SORCS1: variants seen among roughly 807,000 people sequenced by gnomAD.
SORCS1 encodes VPS10 domain-containing receptor SorCS1.
SORCS1 carries 60 observed loss-of-function variants against 146.1 expected under a neutral mutation model. The observed-to-expected ratio is 0.41, with a 90% CI of 0.33 to 0.51. The LOEUF (loss-of-function observed/expected upper bound fraction) is 0.51, where lower values mean the gene tolerates loss of function less well. Among genes scored for constraint, SORCS1 ranks in the 20% least tolerant of loss-of-function variants. The pLI is 0.21. For missense variants in SORCS1, 1,352 were observed against 1,487.6 expected (o/e 0.91, Z 1.50); for synonymous variants, 637 against 584.0 (o/e 1.09, Z -1.31).
At chr10:106,670,554 C>T (rs928926336) in intron 16 of SORCS1, among the ~76,000 whole-genome samples, 8 of 152,104 alleles carry the variant, frequency 5.3e-5, no homozygotes, top group African/African-American at 1.9e-4. Flanking sequence ...AATTTTCTGC[C>T]TTAAAAGGCT....
At chr10:106,944,309 T>A (rs1276862843) in intron 2 of SORCS1, among the ~76,000 whole-genome samples, 1 of 152,334 alleles carries the variant, frequency 6.6e-6, no homozygotes, top group East Asian at 1.9e-4. Context: ...ACACACAGAC[T>A]GTATTGTGAT....
chr10:107,096,753 C>T (rs915875758), intron 1 of SORCS1, among the ~76,000 whole-genome samples: 20 of 152,244 alleles, frequency 1.3e-4, no homozygotes, highest in African/African-American at 4.3e-4. Flanking sequence ...CTCAGGTGAT[C>T]GGCCCACCTC....
intron 9 of SORCS1, among the ~76,000 whole-genome samples, chr10:106,689,981 A>G (rs111908575): frequency 2.0e-5 from 3 of 152,356 alleles, no homozygotes; most frequent in African/African-American, 7.2e-5. Context: ...TGAGCTGCAG[A>G]GAGGAATACT....
intron 2 of SORCS1, among the ~76,000 whole-genome samples, chr10:106,890,614 G>A (rs2137878303): frequency 6.6e-6 from 1 of 152,148 alleles, no homozygotes; most frequent in East Asian, 1.9e-4. Flanking sequence ...TAAATCAGTG[G>A]GCTACTAGGG....
intron 4 of SORCS1, among the ~76,000 whole-genome samples, chr10:106,772,736 T>C (rs1462972627): frequency 1.3e-5 from 2 of 152,164 alleles, no homozygotes; most frequent in Non-Finnish European, 2.9e-5. Context: ...AATTCTATCT[T>C]GGACCAGAAA....
chr10:106,987,570 G>T (rs74717762), intron 1 of SORCS1, among the ~76,000 whole-genome samples: 1 of 152,138 alleles, frequency 6.6e-6, no homozygotes, highest in Non-Finnish European at 1.5e-5. Flanking sequence ...AATGCCTTAC[G>T]GACCGGGCAG....
chr10:107,179,087 A>G, the SORCS1 span, among the ~76,000 whole-genome samples: 1,644 of 152,224 alleles, frequency 0.011, 22 homozygotes, highest in African/African-American at 0.035. Flanking sequence ...CCTACAGCCT[A>G]TGAGAGCTCC....
chr10:106,607,242 G>A lies in SORCS1; in HGVS notation c.3089C>T (p.Thr1030Ile). The A allele has an allele frequency of 1.2e-6, 2 of 1,614,130 alleles. No homozygotes were observed. The highest frequency in any genetic ancestry group is 8.5e-7 in the Non-Finnish European group (1 of 1,179,986). ...GGGTAGGACAAAGAGTTCAGCAGTG[G>A]TGGGTAAGCCAGGGAGCACCGCCAC... ...ILVAVLPGLP[T>I]TAELFVLPYQ... The change falls in exon 23 of 26, where the codon ACC (threonine) becomes ATC (isoleucine). Residue 1030 changes from threonine to isoleucine, a missense_variant. Around this residue, in one of 3 missense-constraint regions of SORCS1, gnomAD observed 214 missense variants for 204.8 expected, o/e 1.05. Coordinates refer to ENST00000263054, the MANE Select transcript of SORCS1 (RefSeq NM_052918.5).
At chr10:106,989,101 A>T (rs920335903) in intron 1 of SORCS1, among the ~76,000 whole-genome samples, 17 of 146,370 alleles carry the variant, frequency 1.2e-4, no homozygotes, top group African/African-American at 4.3e-4. Flanking sequence ...TCTACTAAAA[A>T]TACAAAAAAA....
intron 1 of SORCS1, among the ~76,000 whole-genome samples, chr10:107,146,517 C>T (rs1023822536): frequency 6.6e-6 from 1 of 152,026 alleles, no homozygotes; most frequent in Non-Finnish European, 1.5e-5. Flanking sequence ...TATGGAGGAT[C>T]GAGGCTATGA....
At chr10:106,834,501 A>G (rs745631069) in intron 2 of SORCS1, among the ~76,000 whole-genome samples, 1 of 152,188 alleles carries the variant, frequency 6.6e-6, no homozygotes, top group Non-Finnish European at 1.5e-5. Flanking sequence ...ATCTAATGAG[A>G]TTAGTGTTCT....
intron 2 of SORCS1, among the ~76,000 whole-genome samples, chr10:106,943,880 C>T (rs747334996): frequency 6.6e-5 from 10 of 152,092 alleles, no homozygotes; most frequent in African/African-American, 1.2e-4. Flanking sequence ...TGTCTTCCTC[C>T]GTCTTCTCCT....
At chr10:106,966,400 C>T (rs541299527) in intron 1 of SORCS1, among the ~76,000 whole-genome samples, 1 of 152,242 alleles carries the variant, frequency 6.6e-6, no homozygotes, top group African/African-American at 2.4e-5. Context: ...AAGAAAGCAT[C>T]CAGAAAGCAG....
At chr10:107,042,454 G>A (rs911236591) in intron 1 of SORCS1, among the ~76,000 whole-genome samples, 1 of 152,126 alleles carries the variant, frequency 6.6e-6, no homozygotes, top group Non-Finnish European at 1.5e-5. Flanking sequence ...TGCTAACTTG[G>A]ATCTGTTGGG....
chr10:106,768,166 G>A (rs886411245), intron 4 of SORCS1, among the ~76,000 whole-genome samples: 13 of 152,150 alleles, frequency 8.5e-5, no homozygotes, highest in Non-Finnish European at 1.2e-4. Flanking sequence ...GACATTTAGC[G>A]AGCTCCCTGG....
intron 1 of SORCS1, among the ~76,000 whole-genome samples, chr10:107,090,974 G>T (rs1964143221): frequency 6.6e-6 from 1 of 151,856 alleles, no homozygotes; most frequent in Non-Finnish European, 1.5e-5. Flanking sequence ...TGAAATGAAA[G>T]AAAAGATAGC....
chr10:106,741,870 C>T (rs1361719336), intron 5 of SORCS1, among the ~76,000 whole-genome samples: 1 of 152,178 alleles, frequency 6.6e-6, no homozygotes, highest in African/African-American at 2.4e-5. Context: ...TCTCAGAAAA[C>T]ACAGTGTCAG....
chr10:106,787,894 G>T (rs2136480316), intron 3 of SORCS1, among the ~76,000 whole-genome samples: 1 of 152,270 alleles, frequency 6.6e-6, no homozygotes, highest in African/African-American at 2.4e-5. Flanking sequence ...ATGATAAGTT[G>T]AATAAGTTCA....
intron 2 of SORCS1, among the ~76,000 whole-genome samples, chr10:106,878,886 A>C (rs940436799): frequency 1.3e-5 from 2 of 151,536 alleles, no homozygotes; most frequent in Admixed American, 1.3e-4. Context: ...AATGACTCGT[A>C]CCTGTAATCC....
Sources: gnomAD v4.1 joint callset for allele counts (sites outside exome capture counted in the v4.1 genomes callset) on GRCh38, gnomAD v4.1.1 for gene constraint, gnomAD v4.1.1 regional missense constraint, MANE v1.5 for transcripts, NCBI Gene and HGNC (gene_info 2026-07-23, HGNC 2026-07-21) for gene names.